MAN2B2: variants seen among roughly 807,000 people sequenced by gnomAD.
MAN2B2 encodes the protein epididymis-specific alpha-mannosidase.
In MAN2B2, 106 loss-of-function variants were observed where a neutral mutation model predicts 117.1. The ratio of observed to expected loss-of-function variants is 0.90; its 90% CI spans 0.77 to 1.06. The LOEUF (loss-of-function observed/expected upper bound fraction) is 1.06. Among genes scored for constraint, MAN2B2 ranks in the 50% least tolerant of loss-of-function variants. The pLI, the probability that MAN2B2 is intolerant of heterozygous loss-of-function variation, is 0.00. For missense variants in MAN2B2, 1,326 were observed against 1,381.4 expected, an observed-to-expected ratio of 0.96 and a Z score of 0.64; for synonymous variants, 544 against 595.1, an observed-to-expected ratio of 0.91 and a Z score of 1.25.
Position 6,608,705 on chromosome 4 carries a change from G to A in MAN2B2, c.1815-402G>A, listed in dbSNP as rs1269085314. The stretch of plus-strand genomic sequence containing the variant: ...GAGAATTTAACCAGGTGAAGTCAGT[G>A]AAGGCTCTGGCCCATGACATGGGGT... On this transcript the variant is annotated intron_variant, in intron 11 of 18. Coordinates refer to ENST00000285599, the MANE Select transcript of MAN2B2 (RefSeq NM_015274.3). Among the ~76,000 whole-genome samples the A allele has an allele frequency of 2.0e-5, 3 of 152,322 alleles. No individual in the cohort carries two copies. In the East Asian group the frequency reaches 5.8e-4, roughly 29 times the overall value.
In MAN2B2 at chr4:6,597,108, C is replaced by A. The variant is rs745329880; in HGVS notation, c.1058-5C>A. Reference sequence around the variant, plus strand: ...TCAAGCTCACCATCTTCCCTTGTCTCCCAGAACCATTCCAGGCCTGGACGG... The same window carrying A: ...TCAAGCTCACCATCTTCCCTTGTCTACCAGAACCATTCCAGGCCTGGACGG... On this transcript the variant is annotated splice_polypyrimidine_tract_variant and splice_region_variant and intron_variant, in intron 7 of 18. Coordinates refer to ENST00000285599, the MANE Select transcript of MAN2B2 (RefSeq NM_015274.3). The A allele has an allele frequency of 1.0e-4, 161 of 1,612,584 alleles. No homozygotes were observed. The highest frequency in any genetic ancestry group is 1.2e-5 in the Non-Finnish European group (14 of 1,179,504).
At chr4:6,598,805 G>A (rs528341261) in intron 9 of MAN2B2, among the ~76,000 whole-genome samples, 32 of 152,164 alleles carry the variant, frequency 2.1e-4, no homozygotes, top group Non-Finnish European at 4.6e-4. Flanking sequence ...CAGAGAGTAC[G>A]CCGGTGTCCT....
chr4:6,593,112 T>C, intron 5 of MAN2B2, 61 bp from the exon 6 acceptor site: 2 of 1,544,962 alleles, frequency 1.3e-6, no homozygotes, highest in East Asian at 2.4e-5. Context: ...GGCACTTGGG[T>C]GTGAGCCCTG....
chr4:6,592,006 G>T (rs536581896), intron 5 of MAN2B2, among the ~76,000 whole-genome samples: 2 of 152,196 alleles, frequency 1.3e-5, no homozygotes, highest in African/African-American at 4.8e-5. Flanking sequence ...GCTGGCAGAC[G>T]TGGTGGAGCC....
intron 3 of MAN2B2, among the ~76,000 whole-genome samples, chr4:6,579,136 C>T (rs1183028825): frequency 2.1e-5 from 2 of 93,492 alleles, no homozygotes; most frequent in African/African-American, 3.9e-5. Context: ...CCACCACCAC[C>T]ACCATCACCA....
At chr4:6,610,238 C>T (rs1329516641) in intron 13 of MAN2B2, among the ~76,000 whole-genome samples, 188 bp downstream of exon 13, 2 of 152,158 alleles carry the variant, frequency 1.3e-5, no homozygotes, top group African/African-American at 4.8e-5. Context: ...CTCACTGCAA[C>T]CTCTGCCTCC....
At chr4:6,606,622 T>C (rs2108751779) in intron 11 of MAN2B2, among the ~76,000 whole-genome samples, 1 of 152,318 alleles carries the variant, frequency 6.6e-6, no homozygotes, top group Middle Eastern at 3.4e-3. Context: ...TGTCTGTCTC[T>C]CTTGTTTTGA....
At chr4:6,577,030 G>T (rs1040032602) in intron 2 of MAN2B2, among the ~76,000 whole-genome samples, 1 of 152,136 alleles carries the variant, frequency 6.6e-6, no homozygotes, top group Non-Finnish European at 1.5e-5. Flanking sequence ...CTGACACCAG[G>T]CATCCCAGGT....
chr4:6,621,087 G>A (rs1375004193), intron 18 of MAN2B2, 101 bp from the exon 19 acceptor site: 7 of 805,552 alleles, frequency 8.7e-6, no homozygotes, highest in Non-Finnish European at 1.3e-5. Context: ...TGAGAGGGAG[G>A]CTGGGAGCCA....
chr4:6,582,907 T>C (rs1234334681), intron 3 of MAN2B2, among the ~76,000 whole-genome samples: 1 of 151,120 alleles, frequency 6.6e-6, no homozygotes, highest in East Asian at 2.0e-4. Context: ...ATTATACTGG[T>C]GAGGATACTG....
chr4:6,597,232 G>C lies in MAN2B2; in HGVS notation c.1177G>C (p.Ala393Pro). 1 of 1,605,272 alleles carries C rather than the reference G, an allele frequency of 6.2e-7. No homozygotes were observed. Among genetic ancestry groups the C allele is most frequent in the Non-Finnish European group, 8.5e-7 (1 of 1,175,318 alleles). Residue 393 changes from alanine (A) to proline (P), a missense_variant, in exon 8 of 19, where the codon GCC becomes CCC. By Grantham distance (27) the Ala-to-Pro change is conservative. Coordinates refer to ENST00000285599, the MANE Select transcript of MAN2B2 (RefSeq NM_015274.3). Reference protein sequence around the residue: ...ESMFTRYLWPAPRGHLDPTWA... With the variant: ...ESMFTRYLWPPPRGHLDPTWA... ...CATGTTCACACGCTACCTGTGGCCGGCCCCCCGTGGGCATCTGGACCCCAC... is the reference window on the plus strand; with the variant it reads ...CATGTTCACACGCTACCTGTGGCCGCCCCCCCGTGGGCATCTGGACCCCAC...
At position 6,587,175 on chromosome 4, in the gene MAN2B2, G is replaced by C; in HGVS notation, c.564+7G>C. The C allele has an allele frequency of 1.2e-6, 2 of 1,609,528 alleles. No homozygotes were observed. The highest frequency in any genetic ancestry group is 4.5e-5 in the East Asian group (2 of 44,816). On this transcript the variant is annotated splice_region_variant and intron_variant, in intron 4 of 18. Coordinates refer to ENST00000285599, the MANE Select transcript of MAN2B2 (RefSeq NM_015274.3). ...AGCCATGCAGGAGGCCCGGGTGAGT[G>C]GTGTGCCGCGTCTGCTGCCGCCCAG... is the stretch of plus-strand genomic sequence containing the variant.
rs542763890 is a variant in MAN2B2 at position 6,614,237 on chromosome 4, A to C, written c.2583A>C (p.Pro861=). 2 of 1,614,140 alleles carry C rather than the reference A, an allele frequency of 1.2e-6. No homozygotes were observed. Among genetic ancestry groups the C allele is most frequent in the South Asian group, 2.2e-5 (2 of 91,082 alleles). The change falls in exon 16 of 19, where the codon CCA becomes CCC. Residue 861 remains proline, a synonymous_variant. Transcript: ENST00000285599. Reference sequence around the variant, plus strand: ...TTGCAGGGACTGCGCCGAAGCTCCCAGGACCCCAGCAGCAAGAGGCCGTGA... The same window carrying C: ...TTGCAGGGACTGCGCCGAAGCTCCCCGGACCCCAGCAGCAAGAGGCCGTGA... ...GDLAGTAPKL[P]GPQQQEAVTL...
chr4:6,575,436 C>G, intron 1 of MAN2B2, 88 bp downstream of exon 1: 6 of 1,045,322 alleles, frequency 5.7e-6, no homozygotes, highest in Non-Finnish European at 7.9e-6. Flanking sequence ...TCCCGGGGCC[C>G]GATGCCGGCG....
chr4:6,616,433 C>G (rs1322429445), intron 16 of MAN2B2, among the ~76,000 whole-genome samples: 1 of 152,146 alleles, frequency 6.6e-6, no homozygotes, highest in Non-Finnish European at 1.5e-5. Flanking sequence ...GCCCCGAATG[C>G]CCACGGTCTT....
At chr4:6,620,182 G>A (rs534360935) in intron 18 of MAN2B2, 138 bp downstream of exon 18, 29 of 674,632 alleles carry the variant, frequency 4.3e-5, no homozygotes, top group African/African-American at 3.1e-4. Context: ...CTCTGAACCC[G>A]CAGCCCTCCC....
chr4:6,609,732 G>A (rs1484017554), intron 12 of MAN2B2, 66 bp from the exon 13 acceptor site: 21 of 1,558,854 alleles, frequency 1.3e-5, no homozygotes, highest in Non-Finnish European at 1.8e-5. Context: ...TGAAGGAAGG[G>A]AAGCAAAAAG....
chr4:6,612,443 A>G (rs558446890), intron 15 of MAN2B2, among the ~76,000 whole-genome samples: 1 of 152,352 alleles, frequency 6.6e-6, no homozygotes, highest in Admixed American at 6.5e-5. Flanking sequence ...GAAGTAACAG[A>G]GCCTGAAGGG....
intron 5 of MAN2B2, 100 bp from the exon 6 acceptor site, chr4:6,593,073 G>A: frequency 1.8e-6 from 2 of 1,122,402 alleles, no homozygotes; most frequent in South Asian, 1.4e-5. Context: ...GTGAAATGAT[G>A]TGCCAAGGTC....
Sources: gnomAD v4.1 joint callset for allele counts (sites outside exome capture counted in the v4.1 genomes callset) on GRCh38, gnomAD v4.1.1 for gene constraint, MANE v1.5 for transcripts, NCBI Gene and HGNC (gene_info 2026-07-23, HGNC 2026-07-21) for gene names.